The following DLEC1 variants were observed in gnomAD, a reference collection of about 807,000 sequenced individuals.
DLEC1 encodes the protein DLEC1 cilia and flagella associated protein, also known as deleted in lung and esophageal cancer protein 1.
A neutral mutation model predicts 198.1 loss-of-function variants in DLEC1; 146 were observed. The observed-to-expected ratio is 0.74, with a 90% CI of 0.64 to 0.85. DLEC1 has a LOEUF of 0.85. Among genes scored for constraint, DLEC1 ranks in the 40% least tolerant of loss-of-function variants. The pLI is 0.00. For missense variants in DLEC1, 2,233 were observed against 2,220.0 expected (o/e 1.01, Z -0.12); for synonymous variants, 897 against 866.8 (o/e 1.03, Z -0.61).
chr3:38,085,363 G>T lies in DLEC1; in HGVS notation c.1351G>T (p.Asp451Tyr). ...TTTTCCCGACTGCCTTGGGGATTTT[G>T]ATGATTTTATTTTAGTGGAGACCCA... is the stretch of plus-strand genomic sequence containing the variant. ...QFFPDCLGDF[D>Y]DFILVETQSA... Residue 451 changes from aspartate to tyrosine, a missense_variant, in exon 8 of 37, where the codon GAT becomes TAT. Asp to Tyr is a radical substitution (Grantham distance 160). Coordinates refer to ENST00000308059, the MANE Select transcript of DLEC1 (RefSeq NM_007335.4). The T allele has an allele frequency of 6.2e-7, 1 of 1,614,136 alleles. No homozygotes were observed. The highest frequency in any genetic ancestry group is 1.3e-5 in the African/African-American group (1 of 75,048).
intron 6 of DLEC1, among the ~76,000 whole-genome samples, chr3:38,081,766 C>T (rs1297872459): frequency 5.0e-4 from 44 of 88,882 alleles, no homozygotes; most frequent in Non-Finnish European, 6.8e-4. Flanking sequence ...CCTCACCTCC[C>T]GGACGGGGCG....
chr3:38,058,735 T>C (rs892667351), intron 2 of DLEC1, among the ~76,000 whole-genome samples: 1 of 151,958 alleles, frequency 6.6e-6, no homozygotes, highest in Admixed American at 6.6e-5. Flanking sequence ...TGGGTGATAA[T>C]AATGTGTCTA....
intron 6 of DLEC1, among the ~76,000 whole-genome samples, chr3:38,074,279 T>C (rs896026029): frequency 2.6e-5 from 4 of 152,210 alleles, no homozygotes; most frequent in Admixed American, 1.3e-4. Flanking sequence ...CTGCTTCCTC[T>C]CTATTATTGT....
intron 9 of DLEC1, among the ~76,000 whole-genome samples, chr3:38,087,186 G>C (rs1698503123): frequency 6.6e-6 from 1 of 152,210 alleles, no homozygotes; most frequent in African/African-American, 2.4e-5. Flanking sequence ...GTTGGCCAGG[G>C]CTGGGGGCAG....
At chr3:38,059,647 T>C in intron 2 of DLEC1, 95 bp from the exon 3 acceptor site, 1 of 970,698 alleles carries the variant, frequency 1.0e-6, no homozygotes, top group Non-Finnish European at 1.6e-6. Flanking sequence ...TTTTGTTAGA[T>C]AGTTTAGGCT....
At chr3:38,060,588 A>C (rs527353012) in intron 3 of DLEC1, among the ~76,000 whole-genome samples, 62 of 152,240 alleles carry the variant, frequency 4.1e-4, no homozygotes, top group African/African-American at 1.5e-3. Flanking sequence ...GGATCTAGAA[A>C]ATTGAGGGTG....
chr3:38,110,771 GAC>G (rs139450212), intron 23 of DLEC1, among the ~76,000 whole-genome samples: 5,870 of 149,406 alleles, frequency 0.039, 368 homozygotes, highest in African/African-American at 0.13. Flanking sequence ...TGCTTACACA[GAC>G]ACACACACAC....
rs1013285800 is a variant in DLEC1 at position 38,108,349 on chromosome 3, C to T, written c.3019-56C>T. 3 of 1,428,730 alleles carry T rather than the reference C, an allele frequency of 2.1e-6. No homozygotes were observed. In the African/African-American group the frequency reaches 4.2e-5, roughly 20 times the overall value. 88.5% of individuals were successfully genotyped at this position (1,428,730 alleles called of 1,614,324 possible). A position where few individuals can be genotyped will look rare whatever the true frequency, so the allele number is the denominator to read the frequency against. On this transcript the variant is annotated intron_variant, in intron 20 of 36. Transcript: ENST00000308059. ...AGCAGTGCTGAGCACTCTCTGGATA[C>T]TGGTCCATTCTGGGAGCCCAGTAAG...
At chr3:38,087,769 A>C (rs1698543115) in intron 9 of DLEC1, among the ~76,000 whole-genome samples, 1 of 152,248 alleles carries the variant, frequency 6.6e-6, no homozygotes, top group South Asian at 2.1e-4. Flanking sequence ...TCTTGTAGGC[A>C]TGGGTTTGTG....
At chr3:38,082,039 C>T (rs1451521170) in intron 6 of DLEC1, among the ~76,000 whole-genome samples, 7 of 126,706 alleles carry the variant, frequency 5.5e-5, no homozygotes, top group South Asian at 2.7e-4. Flanking sequence ...ACTTCTCAGA[C>T]GGGGTGGTTG....
At chr3:38,093,211 C>G (rs1432399796) in intron 11 of DLEC1, among the ~76,000 whole-genome samples, 4 of 152,178 alleles carry the variant, frequency 2.6e-5, no homozygotes, top group Non-Finnish European at 5.9e-5. Flanking sequence ...CACACATAAA[C>G]AGCCAGAGCC....
intron 2 of DLEC1, among the ~76,000 whole-genome samples, chr3:38,053,089 G>A (rs1226034426): frequency 6.6e-6 from 1 of 152,238 alleles, no homozygotes; most frequent in Non-Finnish European, 1.5e-5. Context: ...CGTTCACTCA[G>A]TGCTCAATGT....
In DLEC1 at chr3:38,117,928, C is replaced by A. The variant is rs753139739; in HGVS notation, c.4608C>A (p.Asp1536Glu). 2 of 1,614,042 alleles carry A rather than the reference C, an allele frequency of 1.2e-6. No homozygotes were observed. The highest frequency in any genetic ancestry group is 1.7e-6 in the Non-Finnish European group (2 of 1,180,026). ...TTTCTCAAGATGGGGCGAGCCAGGA[C>A]CACAGAGCTCCTGGCCCTGGCCAGA... ...FSVSQDGASQ[D>E]HRAPGPGQKQ... Residue 1536 changes from aspartate (D) to glutamate (E), a missense_variant, in exon 33 of 37, where the codon GAC becomes GAA. Transcript: ENST00000308059.
Position 38,116,567 on chromosome 3 carries a change from T to C in DLEC1, c.3971T>C (p.Leu1324Pro). 1 of 1,614,114 alleles carries C rather than the reference T, an allele frequency of 6.2e-7. No individual in the cohort carries two copies. Among genetic ancestry groups the C allele is most frequent in the Non-Finnish European group, 8.5e-7 (1 of 1,179,982 alleles). Reference sequence around the variant, plus strand: ...CTGCGGGACCAAGCCGGGAATGAGCTTGTGTGCCCTGATACCCCTGAGGGT... The same window carrying C: ...CTGCGGGACCAAGCCGGGAATGAGCCTGTGTGCCCTGATACCCCTGAGGGT... ...FPLRDQAGNE[L>P]VCPDTPEGGC... The change falls in exon 28 of 37, where the codon CTT becomes CCT. Residue 1324 changes from leucine to proline, a missense_variant. Physicochemically the swap from Leu to Pro is moderately conservative, Grantham distance 98. Transcript: ENST00000308059.
intron 34 of DLEC1, 99 bp downstream of exon 34, chr3:38,120,708 A>G (rs1700405877): frequency 1.3e-6 from 2 of 1,497,790 alleles, no homozygotes; most frequent in East Asian, 2.3e-5. Context: ...GGCCCTCAGA[A>G]ATAAGGAGCC....
At chr3:38,099,670 A>C (rs957396201) in intron 18 of DLEC1, among the ~76,000 whole-genome samples, 3 of 151,286 alleles carry the variant, frequency 2.0e-5, no homozygotes, top group Non-Finnish European at 4.4e-5. Flanking sequence ...GGAAGAATGG[A>C]ATGTAAAGAG....
At chr3:38,084,356 GGTGGTA>G in intron 7 of DLEC1, 111 bp downstream of exon 7, 1 of 915,416 alleles carries the variant, frequency 1.1e-6, no homozygotes, top group Non-Finnish European at 1.7e-6. Context: ...TAGTAGTGGT[GGTGGTA>G]GTAGTAGTAG....
chr3:38,114,914 A>G, intron 26 of DLEC1, 69 bp from the exon 27 acceptor site: 1 of 1,443,872 alleles, frequency 6.9e-7, no homozygotes, highest in East Asian at 2.3e-5. Flanking sequence ...CCCCAGTCCC[A>G]GCCCTCCTCC....
intron 5 of DLEC1, 152 bp downstream of exon 5, chr3:38,062,953 G>T (rs6772805): frequency 2.4e-6 from 2 of 846,464 alleles, no homozygotes; most frequent in Non-Finnish European, 3.6e-6. Context: ...TCACCCACTG[G>T]TGTGGCCTTT....
Sources: gnomAD v4.1 joint callset for allele counts (sites outside exome capture counted in the v4.1 genomes callset) on GRCh38, gnomAD v4.1.1 for gene constraint, MANE v1.5 for transcripts, NCBI Gene and HGNC (gene_info 2026-07-23, HGNC 2026-07-21) for gene names.